Variants in IMPG1 observed in about 807,000 individuals in gnomAD.
IMPG1 encodes the protein interphotoreceptor matrix proteoglycan 1.
Under a neutral mutation model 92.0 loss-of-function variants are expected in IMPG1, and 85 were observed. The observed-to-expected ratio is 0.92, with a 90% CI of 0.78 to 1.11. IMPG1 has a LOEUF of 1.11. Ranked by LOEUF, IMPG1 falls within the 50% of genes least tolerant of loss-of-function variation. The pLI is 0.00. For missense variants in IMPG1, 1,022 were observed against 956.0 expected (o/e 1.07, Z -0.91); for synonymous variants, 367 against 334.1 (o/e 1.10, Z -1.08).
chr6:76,025,163 T>C (rs1475330992), intron 5 of IMPG1, 31 bp downstream of exon 5: 6 of 1,344,076 alleles, frequency 4.5e-6, no homozygotes, highest in African/African-American at 1.5e-5. Context: ...GAATGAAAGT[T>C]GAGAAGCAAA....
intron 7 of IMPG1, among the ~76,000 whole-genome samples, chr6:76,015,610 G>C (rs1003683849): frequency 6.6e-6 from 1 of 151,882 alleles, no homozygotes; most frequent in African/African-American, 2.4e-5. Context: ...AGACCAGCTT[G>C]ATCAACACGG....
intron 1 of IMPG1, among the ~76,000 whole-genome samples, chr6:76,044,763 G>T (rs1224329622): frequency 6.6e-6 from 1 of 152,072 alleles, no homozygotes; most frequent in Non-Finnish European, 1.5e-5. Context: ...GACTTGGGAA[G>T]AGTATCTACT....
chr6:76,054,194 A>G (rs1007851432), intron 1 of IMPG1, among the ~76,000 whole-genome samples: 9 of 152,136 alleles, frequency 5.9e-5, no homozygotes, highest in African/African-American at 2.2e-4. Flanking sequence ...ATGTAGTTGT[A>G]TTTTGAAAAT....
At chr6:76,056,001 C>T (rs537691808) in intron 1 of IMPG1, among the ~76,000 whole-genome samples, 8 of 151,948 alleles carry the variant, frequency 5.3e-5, no homozygotes, top group East Asian at 1.9e-4. Context: ...CATTTTCCTA[C>T]GACTCTTATA....
intron 2 of IMPG1, among the ~76,000 whole-genome samples, chr6:76,036,550 T>C (rs1446856708): frequency 1.3e-5 from 2 of 152,210 alleles, no homozygotes; most frequent in African/African-American, 4.8e-5. Flanking sequence ...ATAAATCTTA[T>C]AGTCACAAGA....
At chr6:75,986,437 A>G (rs889693057) in intron 12 of IMPG1, among the ~76,000 whole-genome samples, 1 of 152,220 alleles carries the variant, frequency 6.6e-6, no homozygotes, top group Admixed American at 6.5e-5. Context: ...AGAAAAACAG[A>G]TACATCAAAT....
intron 1 of IMPG1, among the ~76,000 whole-genome samples, chr6:76,059,029 G>A (rs769136423): frequency 6.6e-6 from 1 of 152,036 alleles, no homozygotes; most frequent in Non-Finnish European, 1.5e-5. Context: ...CTGAAGAATC[G>A]GACAAAATGG....
chr6:76,053,535 G>A (rs1323666711), intron 1 of IMPG1, among the ~76,000 whole-genome samples: 4 of 152,284 alleles, frequency 2.6e-5, no homozygotes, highest in South Asian at 4.1e-4. Context: ...AAGGAATGTG[G>A]ATTTACTTAT....
intron 4 of IMPG1, among the ~76,000 whole-genome samples, chr6:76,033,760 GACA>G (rs1248138945): frequency 1.3e-5 from 2 of 152,136 alleles, no homozygotes; most frequent in Admixed American, 6.5e-5. Flanking sequence ...TTTAGAGTTT[GACA>G]ACATCTCTCT....
intron 9 of IMPG1, among the ~76,000 whole-genome samples, chr6:76,006,719 G>A (rs1275985273): frequency 6.6e-6 from 1 of 151,928 alleles, no homozygotes; most frequent in African/African-American, 2.4e-5. Flanking sequence ...TTAGAAGGAA[G>A]GTGTGAGAAA....
chr6:75,989,544 A>C (rs1290441765), intron 12 of IMPG1, among the ~76,000 whole-genome samples: 1 of 152,332 alleles, frequency 6.6e-6, no homozygotes, highest in Admixed American at 6.5e-5. Flanking sequence ...CTTAAACTCT[A>C]AGCATATGCA....
At chr6:75,954,260 C>A (rs533055449) in intron 12 of IMPG1, among the ~76,000 whole-genome samples, 1 of 152,300 alleles carries the variant, frequency 6.6e-6, no homozygotes, top group African/African-American at 2.4e-5. Flanking sequence ...TTCTCCACAT[C>A]CTCTGCAGCA....
At chr6:75,989,767 C>T (rs1250641921) in intron 12 of IMPG1, among the ~76,000 whole-genome samples, 1 of 152,174 alleles carries the variant, frequency 6.6e-6, no homozygotes, top group African/African-American at 2.4e-5. Flanking sequence ...CTCTTGAACC[C>T]ATGAGGTGGA....
At chr6:75,996,606 G>A (rs1480431683) in intron 12 of IMPG1, among the ~76,000 whole-genome samples, 3 of 152,118 alleles carry the variant, frequency 2.0e-5, no homozygotes, top group Non-Finnish European at 2.9e-5. Context: ...TCATGAGGAG[G>A]GCTTTGAGGG....
At chr6:76,025,630 T>C (rs1038278699) in intron 4 of IMPG1, among the ~76,000 whole-genome samples, 7 of 152,200 alleles carry the variant, frequency 4.6e-5, no homozygotes, top group African/African-American at 1.7e-4. Context: ...GACTGAAATA[T>C]TCTTGCTAAA....
chr6:76,053,360 C>T (rs756030268), intron 1 of IMPG1, among the ~76,000 whole-genome samples: 33 of 151,990 alleles, frequency 2.2e-4, no homozygotes, highest in Non-Finnish European at 7.4e-5. Flanking sequence ...ATGCATGAGC[C>T]GGAGGAAGAT....
chr6:76,055,506 G>A (rs1369673031), intron 1 of IMPG1, among the ~76,000 whole-genome samples: 1 of 149,178 alleles, frequency 6.7e-6, no homozygotes, highest in Non-Finnish European at 1.5e-5. Context: ...AGTGGTGTAA[G>A]AAAACAAAAT....
chr6:76,069,746 A>T (rs1226423128), intron 1 of IMPG1, among the ~76,000 whole-genome samples: 1 of 1,300 alleles, frequency 7.7e-4, no homozygotes, highest in African/African-American at 1.6e-3. Context: ...TTGGTTGATC[A>T]AAAAAAAAAA....
At chr6:75,931,201 G>A (rs550999536) in intron 14 of IMPG1, 50 bp from the exon 15 acceptor site, 1 of 1,528,842 alleles carries the variant, frequency 6.5e-7, no homozygotes, top group East Asian at 2.4e-5. Context: ...GCTAAGCAAT[G>A]GAACTGGCAG....
Sources: gnomAD v4.1 joint callset for allele counts (sites outside exome capture counted in the v4.1 genomes callset) on GRCh38, gnomAD v4.1.1 for gene constraint, MANE v1.5 for transcripts, NCBI Gene and HGNC (gene_info 2026-07-23, HGNC 2026-07-21) for gene names.